PRELID2: variants seen among roughly 807,000 people sequenced by gnomAD.
The protein encoded by PRELID2 is PRELI domain containing 2, also known as PRELI domain-containing protein 2.
A neutral mutation model predicts 28.4 loss-of-function variants in PRELID2; 25 were observed. The observed-to-expected ratio is 0.88, with a 90% CI of 0.64 to 1.23. The LOEUF is 1.23. Among genes scored for constraint, PRELID2 ranks in the 50% most tolerant of loss-of-function variants. PRELID2 has a pLI of 0.00. For synonymous variants in PRELID2, 76 were observed against 71.6 expected (o/e 1.06, Z -0.31); for missense variants, 201 against 214.4 (o/e 0.94, Z 0.39).
At chr5:145,479,452 G>C (rs376222838) in intron 1 of PRELID2, among the ~76,000 whole-genome samples, 1 of 152,096 alleles carries the variant, frequency 6.6e-6, no homozygotes, top group East Asian at 1.9e-4. Context: ...TCACTCATCA[G>C]GAAGACAGTC....
the PRELID2 span, among the ~76,000 whole-genome samples, chr5:145,341,643 A>G: frequency 6.6e-6 from 1 of 152,128 alleles, no homozygotes; most frequent in African/African-American, 2.4e-5. Context: ...AGTCTTCAAT[A>G]ATACATAAAA....
the PRELID2 span, among the ~76,000 whole-genome samples, chr5:145,441,799 T>A: frequency 6.6e-6 from 1 of 152,090 alleles, no homozygotes; most frequent in Non-Finnish European, 1.5e-5. Flanking sequence ...CTTCAGATGT[T>A]ACTGCTAGAA....
the PRELID2 span, among the ~76,000 whole-genome samples, chr5:145,388,784 A>G: frequency 3.3e-5 from 5 of 151,988 alleles, no homozygotes; most frequent in African/African-American, 7.2e-5. Context: ...CTCAAATATT[A>G]CCACTTTGGC....
At chr5:145,754,777 A>G (rs977719623), downstream of PRELID2, among the ~76,000 whole-genome samples, 1 of 152,226 alleles carries the variant, frequency 6.6e-6, no homozygotes, top group Non-Finnish European at 1.5e-5. Context: ...AGAAGGGACC[A>G]GATGATGCTG....
the PRELID2 span, among the ~76,000 whole-genome samples, chr5:145,404,532 G>A: frequency 1.3e-5 from 2 of 152,214 alleles, no homozygotes; most frequent in East Asian, 1.9e-4. Flanking sequence ...ACAGAGTAGT[G>A]GGAGAGACTG....
In PRELID2 at chr5:145,565,522, G is replaced by A. The variant is rs577552517; in HGVS notation, n.71-92207C>T. The stretch of plus-strand genomic sequence containing the variant: ...ATGGATTGCAGACAATTGTAATGCA[G>A]TAATGCAGGCCACTGTAAGCCAAGA... On this transcript the variant is annotated intron_variant and non_coding_transcript_variant, in intron 1 of 2. Coordinates refer to the PRELID2 transcript ENST00000510259. Among the ~76,000 whole-genome samples, 228 of 152,362 alleles carry A rather than the reference G, an allele frequency of 1.5e-3. 1 individual carries two copies. Among genetic ancestry groups the A allele is most frequent in the Non-Finnish European group, 2.5e-3 (171 of 68,034 alleles).
At chr5:145,729,022 T>G in intron 1 of PRELID2, 1 of 681,090 alleles carries the variant, frequency 1.5e-6, no homozygotes, top group Admixed American at 2.2e-5. Flanking sequence ...AAAGTAACAT[T>G]GGGAGATAAT....
chr5:145,319,472 C>T, the PRELID2 span, among the ~76,000 whole-genome samples: 4 of 151,934 alleles, frequency 2.6e-5, no homozygotes, highest in African/African-American at 9.7e-5. Context: ...AGTTTGAGAC[C>T]AGCCTGGCCA....
At chr5:145,518,454 T>A (rs1358771827) in intron 1 of PRELID2, among the ~76,000 whole-genome samples, 1 of 152,094 alleles carries the variant, frequency 6.6e-6, no homozygotes, top group African/African-American at 2.4e-5. Flanking sequence ...CACCTCGGCC[T>A]CCCAAAGGGC....
intron 1 of PRELID2, among the ~76,000 whole-genome samples, chr5:145,528,472 C>G (rs1192863734): frequency 6.6e-6 from 1 of 152,040 alleles, no homozygotes; most frequent in African/African-American, 2.4e-5. Context: ...GGTTTCTTTT[C>G]CTATCATCAG....
intron 5 of PRELID2, among the ~76,000 whole-genome samples, chr5:145,777,119 CA>C (rs1382503235): frequency 1.1e-4 from 16 of 152,264 alleles, no homozygotes; most frequent in African/African-American, 3.8e-4. Context: ...ATTTGGCCAA[CA>C]AATTCAGGTT....
intron 1 of PRELID2, among the ~76,000 whole-genome samples, chr5:145,569,785 A>G (rs373103867): frequency 1.2e-4 from 18 of 152,244 alleles, no homozygotes; most frequent in East Asian, 9.6e-4. Context: ...CCGACACTGT[A>G]CTAGGTGATG....
chr5:145,334,698 T>C, the PRELID2 span, among the ~76,000 whole-genome samples: 1 of 152,110 alleles, frequency 6.6e-6, no homozygotes, highest in Non-Finnish European at 1.5e-5. Context: ...TCAGCATTTC[T>C]TTTAGAGACA....
chr5:145,270,133 G>A, the PRELID2 span, among the ~76,000 whole-genome samples: 1 of 151,580 alleles, frequency 6.6e-6, no homozygotes, highest in Non-Finnish European at 1.5e-5. Context: ...ATACATTGTT[G>A]GGAGGAACTG....
At chr5:145,542,531 C>A (rs573777084) in intron 1 of PRELID2, among the ~76,000 whole-genome samples, 70 of 152,114 alleles carry the variant, frequency 4.6e-4, no homozygotes, top group Middle Eastern at 3.4e-3. Flanking sequence ...AAAAATAGTT[C>A]TTTAATCTCA....
chr5:145,675,989 G>A (rs1427942447), intron 1 of PRELID2, among the ~76,000 whole-genome samples: 1 of 152,236 alleles, frequency 6.6e-6, no homozygotes, highest in Non-Finnish European at 1.5e-5. Flanking sequence ...GGGAGGCCAA[G>A]GCGGTTGGAT....
At chr5:145,825,933 A>G in intron 1 of PRELID2, 1 of 735,072 alleles carries the variant, frequency 1.4e-6, no homozygotes, top group Non-Finnish European at 1.7e-6. Context: ...AAATTTACCA[A>G]AACTCCCATG....
chr5:145,670,807 G>A (rs1242518599), intron 1 of PRELID2, among the ~76,000 whole-genome samples: 2 of 152,140 alleles, frequency 1.3e-5, no homozygotes, highest in Non-Finnish European at 2.9e-5. Context: ...CCTGATCTCA[G>A]TAGCTGGATC....
chr5:145,396,288 G>T, the PRELID2 span, among the ~76,000 whole-genome samples: 1 of 152,054 alleles, frequency 6.6e-6, no homozygotes, highest in Non-Finnish European at 1.5e-5. Flanking sequence ...CAGGTTCATT[G>T]TTCAGCAGAC....
Sources: allele counts gnomAD v4.1 joint callset (sites outside exome capture counted in the v4.1 genomes callset), GRCh38; gene constraint gnomAD v4.1.1; transcripts MANE v1.5; gene names NCBI Gene and HGNC (gene_info 2026-07-23, HGNC 2026-07-21).